DLGAP4: variants seen among roughly 807,000 people sequenced by gnomAD.
DLGAP4 encodes DLG associated protein 4, also known as disks large-associated protein 4.
A neutral mutation model predicts 86.9 loss-of-function variants in DLGAP4; 18 were observed. The ratio of observed to expected loss-of-function variants is 0.21; its 90% confidence interval spans 0.14 to 0.31. The LOEUF (loss-of-function observed/expected upper bound fraction) is 0.31. DLGAP4 is among the 10% of genes least tolerant of loss of function. DLGAP4 has a pLI of 1.00. For synonymous variants in DLGAP4, 548 were observed against 574.3 expected, an observed-to-expected ratio of 0.95 and a Z score of 0.65; for missense variants, 1,085 against 1,362.6, an observed-to-expected ratio of 0.80 and a Z score of 3.21.
intron 10 of DLGAP4, among the ~76,000 whole-genome samples, chr20:36,516,422 T>G (rs1215821241): frequency 6.6e-6 from 1 of 152,106 alleles, no homozygotes; most frequent in Non-Finnish European, 1.5e-5. Flanking sequence ...ATCCCAGCAC[T>G]TTGGGAGCCG....
At chr20:36,341,480 G>A (rs1301668319) in intron 1 of DLGAP4, among the ~76,000 whole-genome samples, 5 of 152,206 alleles carry the variant, frequency 3.3e-5, no homozygotes, top group Non-Finnish European at 5.9e-5. Flanking sequence ...GATATGCACC[G>A]TGTGCCAGGC....
In DLGAP4 at chr20:36,446,783, T is replaced by C; in HGVS notation, c.1494T>C (p.Leu498=). The C allele has an allele frequency of 1.2e-6, 2 of 1,612,828 alleles. No individual in the cohort carries two copies. The highest frequency in any genetic ancestry group is 1.7e-6 in the Non-Finnish European group (2 of 1,179,824). The change falls in exon 7 of 13, where the codon CTT becomes CTC. Residue 498 remains leucine (L), a synonymous_variant. Transcript: ENST00000339266. ...SEAESTAAET[L]DLPLPSYFRS... ...CGGAGTCCACAGCGGCAGAGACGCTTGACTTGCCACTGCCCAGCTACTTCC... is the reference window on the plus strand; with the variant it reads ...CGGAGTCCACAGCGGCAGAGACGCTCGACTTGCCACTGCCCAGCTACTTCC...
chr20:36,423,830 C>T (rs181655215), intron 2 of DLGAP4, among the ~76,000 whole-genome samples: 119 of 151,656 alleles, frequency 7.8e-4, no homozygotes, highest in Non-Finnish European at 1.5e-3. Context: ...CACGGTGGCG[C>T]TCACCTGTAA....
intron 8 of DLGAP4, 42 bp downstream of exon 8, chr20:36,497,108 T>C: frequency 1.3e-6 from 2 of 1,537,200 alleles, no homozygotes; most frequent in Non-Finnish European, 1.8e-6. Flanking sequence ...GCCCACTCCG[T>C]GCACCTGCCT....
intron 2 of DLGAP4, among the ~76,000 whole-genome samples, chr20:36,418,037 G>A (rs917378312): frequency 6.6e-6 from 1 of 151,152 alleles, no homozygotes; most frequent in Admixed American, 6.6e-5. Context: ...CACCCACCTC[G>A]GCCTCCCAAA....
chr20:36,519,067 A>AGATC (rs1255146202), intron 10 of DLGAP4, among the ~76,000 whole-genome samples: 1 of 151,720 alleles, frequency 6.6e-6, no homozygotes, highest in East Asian at 1.9e-4. Flanking sequence ...CAGCGAGCCG[A>AGATC]GATCGTACCA....
chr20:36,344,688 G>A (rs1555892790), intron 1 of DLGAP4, among the ~76,000 whole-genome samples: 1 of 152,226 alleles, frequency 6.6e-6, no homozygotes, highest in East Asian at 1.9e-4. Flanking sequence ...GGTCTTGGGA[G>A]CCTGGTTGGG....
intron 1 of DLGAP4, among the ~76,000 whole-genome samples, chr20:36,316,916 G>T (rs2065106078): frequency 6.6e-6 from 1 of 152,212 alleles, no homozygotes. Flanking sequence ...TTGACCGGCT[G>T]CCTGTTTGGC....
chr20:36,414,441 G>A (rs1402194269), intron 2 of DLGAP4, among the ~76,000 whole-genome samples: 1 of 152,196 alleles, frequency 6.6e-6, no homozygotes. Flanking sequence ...TACCAGGGTG[G>A]TTTTTGGTAT....
At chr20:36,442,179 C>G (rs560259749) in intron 5 of DLGAP4, among the ~76,000 whole-genome samples, 2 of 152,274 alleles carry the variant, frequency 1.3e-5, no homozygotes, top group South Asian at 2.1e-4. Context: ...GGGCCCAGAC[C>G]TAAAGAAGGA....
chr20:36,488,960 C>CTG (rs1286814311), intron 7 of DLGAP4, among the ~76,000 whole-genome samples: 1 of 152,216 alleles, frequency 6.6e-6, no homozygotes, highest in African/African-American at 2.4e-5. Context: ...TGAAGCGTAC[C>CTG]TAACACTTTT....
At chr20:36,340,977 T>TC (rs1190236000) in intron 1 of DLGAP4, among the ~76,000 whole-genome samples, 3 of 152,098 alleles carry the variant, frequency 2.0e-5, no homozygotes, top group African/African-American at 7.2e-5. Flanking sequence ...CTCCCACCCC[T>TC]CCCCATGCTC....
chr20:36,322,993 G>A (rs2065183487), intron 1 of DLGAP4, among the ~76,000 whole-genome samples: 1 of 151,626 alleles, frequency 6.6e-6, no homozygotes, highest in South Asian at 2.1e-4. Flanking sequence ...TGGGCAACAT[G>A]GTGAAACCCC....
chr20:36,517,017 C>T (rs1021138078), intron 10 of DLGAP4, among the ~76,000 whole-genome samples: 3 of 151,294 alleles, frequency 2.0e-5, no homozygotes, highest in African/African-American at 7.3e-5. Flanking sequence ...CCGCCCGCCT[C>T]GGCCTCCCAG....
At chr20:36,356,130 G>C (rs192336646) in intron 1 of DLGAP4, among the ~76,000 whole-genome samples, 32 of 152,374 alleles carry the variant, frequency 2.1e-4, no homozygotes, top group Admixed American at 1.5e-3. Flanking sequence ...CACCCTGTGT[G>C]CATTAGCAAA....
At chr20:36,385,174 C>T (rs779378554) in intron 2 of DLGAP4, among the ~76,000 whole-genome samples, 12 of 152,010 alleles carry the variant, frequency 7.9e-5, no homozygotes, top group African/African-American at 1.9e-4. Context: ...ACTAGCCCCA[C>T]GAAGATGAGG....
intron 6 of DLGAP4, among the ~76,000 whole-genome samples, chr20:36,443,124 G>A (rs1325514004): frequency 6.6e-6 from 1 of 152,202 alleles, no homozygotes; most frequent in Non-Finnish European, 1.5e-5. Context: ...GGACAGGTCA[G>A]GGGCTGGGGG....
At chr20:36,402,063 A>G (rs1428835302) in intron 2 of DLGAP4, among the ~76,000 whole-genome samples, 2 of 152,140 alleles carry the variant, frequency 1.3e-5, no homozygotes, top group African/African-American at 4.8e-5. Context: ...TCAGTAGATG[A>G]ATTGTGAAAC....
At chr20:36,312,055 G>A (rs1462881700) in intron 1 of DLGAP4, among the ~76,000 whole-genome samples, 1 of 152,142 alleles carries the variant, frequency 6.6e-6, no homozygotes, top group Non-Finnish European at 1.5e-5. Context: ...CTGCTCTGCT[G>A]TCAGTGGCCA....
Sources: gnomAD v4.1 joint callset for allele counts (sites outside exome capture counted in the v4.1 genomes callset) on GRCh38, gnomAD v4.1.1 for gene constraint, MANE v1.5 for transcripts, NCBI Gene and HGNC (gene_info 2026-07-23, HGNC 2026-07-21) for gene names.